The following KIAA1217 variants were observed in gnomAD, a reference collection of about 807,000 sequenced individuals.
The protein encoded by KIAA1217 is KIAA1217.
In KIAA1217, 88 loss-of-function variants were observed where a neutral mutation model predicts 163.9. The ratio of observed to expected loss-of-function variants is 0.54; its 90% CI spans 0.45 to 0.64. The LOEUF is 0.64. KIAA1217 is among the 30% of genes least tolerant of loss of function. The pLI is 0.00. For synonymous variants in KIAA1217, 903 were observed against 923.1 expected, an observed-to-expected ratio of 0.98 and a Z score of 0.39; for missense variants, 2,372 against 2,475.0, an observed-to-expected ratio of 0.96 and a Z score of 0.88.
At chr10:24,146,400 T>G (rs567256667) in intron 2 of KIAA1217, among the ~76,000 whole-genome samples, 5 of 152,244 alleles carry the variant, frequency 3.3e-5, no homozygotes, top group Non-Finnish European at 7.3e-5. Flanking sequence ...GCCATCAATT[T>G]GATCTGCAGA....
At chr10:23,816,538 C>G (rs995821699) in intron 1 of KIAA1217, among the ~76,000 whole-genome samples, 1 of 152,078 alleles carries the variant, frequency 6.6e-6, no homozygotes, top group African/African-American at 2.4e-5. Flanking sequence ...TGCGGTGGCT[C>G]ATGCTATAAT....
chr10:23,866,287 TG>T (rs1306016616), intron 1 of KIAA1217, among the ~76,000 whole-genome samples: 4 of 152,188 alleles, frequency 2.6e-5, no homozygotes, highest in African/African-American at 9.7e-5. Flanking sequence ...TCATCATAGT[TG>T]CTTCAGGTTG....
intron 1 of KIAA1217, among the ~76,000 whole-genome samples, chr10:23,819,969 G>T (rs1244236595): frequency 1.3e-5 from 2 of 152,140 alleles, no homozygotes; most frequent in African/African-American, 4.8e-5. Context: ...ATGTATGATA[G>T]TGCCTATTTC....
intron 1 of KIAA1217, among the ~76,000 whole-genome samples, chr10:23,982,749 A>C (rs1845825124): frequency 6.6e-6 from 1 of 151,856 alleles, no homozygotes; most frequent in Non-Finnish European, 1.5e-5. Context: ...TTTTTAGTAG[A>C]GACAGGGTTT....
intron 2 of KIAA1217, among the ~76,000 whole-genome samples, chr10:24,223,929 A>G (rs575616456): frequency 2.1e-5 from 3 of 140,788 alleles, no homozygotes; most frequent in African/African-American, 8.0e-5. Context: ...TCCTGCTATT[A>G]AACATAAGAA....
intron 2 of KIAA1217, among the ~76,000 whole-genome samples, chr10:24,186,903 G>A (rs1008677015): frequency 4.6e-5 from 7 of 151,946 alleles, no homozygotes; most frequent in South Asian, 2.1e-4. Flanking sequence ...AAAACAAAAC[G>A]AAAAAATTTT....
intron 1 of KIAA1217, among the ~76,000 whole-genome samples, chr10:23,702,283 TATAATC>T (rs1836511607): frequency 6.6e-6 from 1 of 152,132 alleles, no homozygotes; most frequent in African/African-American, 2.4e-5. Context: ...GGACTCCAGT[TATAATC>T]ATACAATGAG....
At chr10:23,917,364 A>G (rs1288745582) in intron 1 of KIAA1217, among the ~76,000 whole-genome samples, 3 of 152,176 alleles carry the variant, frequency 2.0e-5, no homozygotes, top group Non-Finnish European at 2.9e-5. Flanking sequence ...CATCTGAGAC[A>G]AGGGGATACT....
chr10:23,722,275 C>T (rs985708646), intron 1 of KIAA1217, among the ~76,000 whole-genome samples: 13 of 152,034 alleles, frequency 8.6e-5, no homozygotes, highest in Non-Finnish European at 1.9e-4. Flanking sequence ...GAAAAGAGTT[C>T]TGTGAGTGGG....
intron 1 of KIAA1217, among the ~76,000 whole-genome samples, chr10:23,810,332 A>T (rs1457790100): frequency 6.9e-6 from 1 of 145,702 alleles, no homozygotes; most frequent in Admixed American, 7.0e-5. Context: ...ATATATACAC[A>T]CACTATATAT....
intron 3 of KIAA1217, among the ~76,000 whole-genome samples, chr10:24,409,520 T>C (rs189464892): frequency 6.6e-6 from 1 of 152,350 alleles, no homozygotes; most frequent in Admixed American, 6.5e-5. Context: ...TATCTTCATT[T>C]TGGTGATCGT....
intron 1 of KIAA1217, among the ~76,000 whole-genome samples, chr10:23,798,371 A>G (rs1204326401): frequency 6.6e-6 from 1 of 152,208 alleles, no homozygotes; most frequent in Non-Finnish European, 1.5e-5. Context: ...AGAAAGGACC[A>G]TGTATAGGTG....
At chr10:24,062,130 A>G (rs183048366) in intron 2 of KIAA1217, among the ~76,000 whole-genome samples, 1 of 151,810 alleles carries the variant, frequency 6.6e-6, no homozygotes, top group East Asian at 1.9e-4. Context: ...AGTTTAGTTA[A>G]TGTATTCTTT....
chr10:23,868,096 C>T (rs966455259), intron 1 of KIAA1217, among the ~76,000 whole-genome samples: 2 of 151,914 alleles, frequency 1.3e-5, no homozygotes, highest in Admixed American at 6.6e-5. Context: ...AGCAGGTCTA[C>T]GGCCATACCA....
intron 1 of KIAA1217, among the ~76,000 whole-genome samples, chr10:23,729,248 G>A (rs1464881279): frequency 6.6e-6 from 1 of 152,148 alleles, no homozygotes; most frequent in Non-Finnish European, 1.5e-5. Flanking sequence ...GAATAAAGCT[G>A]CTATAAACAT....
chr10:24,422,922 T>TTTTTA (rs2058857279), intron 3 of KIAA1217, among the ~76,000 whole-genome samples: 1 of 146,062 alleles, frequency 6.8e-6, no homozygotes, highest in African/African-American at 2.6e-5. Context: ...TTTTTTTTTT[T>TTTTTA]GAGACAGAGT....
At chr10:24,183,199 AC>A (rs2066262363) in intron 2 of KIAA1217, among the ~76,000 whole-genome samples, 1 of 152,210 alleles carries the variant, frequency 6.6e-6, no homozygotes. Context: ...TCAAGGTGAT[AC>A]CCTTGAACTT....
chr10:23,963,191 G>A (rs1317294224), intron 1 of KIAA1217, among the ~76,000 whole-genome samples: 4 of 152,140 alleles, frequency 2.6e-5, no homozygotes, highest in Non-Finnish European at 4.4e-5. Context: ...GGGTATACAC[G>A]TGACATGATG....
At chr10:24,307,686 G>A (rs1381427161) in intron 2 of KIAA1217, among the ~76,000 whole-genome samples, 1 of 152,106 alleles carries the variant, frequency 6.6e-6, no homozygotes, top group Non-Finnish European at 1.5e-5. Context: ...AGAGGCTGAG[G>A]CTGGAGGATT....
Sources: allele counts gnomAD v4.1 joint callset (sites outside exome capture counted in the v4.1 genomes callset), GRCh38; gene constraint gnomAD v4.1.1; transcripts MANE v1.5; gene names NCBI Gene and HGNC (gene_info 2026-07-23, HGNC 2026-07-21).